The following RUNX1T1 variants were observed in gnomAD, a reference collection of about 807,000 sequenced individuals.
The protein encoded by RUNX1T1 is RUNX1 partner transcriptional co-repressor 1, also known as protein CBFA2T1.
Under a neutral mutation model 62.8 loss-of-function variants are expected in RUNX1T1, and 4 were observed. That is an observed-to-expected ratio of 0.06 (90% CI 0.03 to 0.15). The LOEUF (loss-of-function observed/expected upper bound fraction) is 0.15. RUNX1T1 is among the 10% of genes least tolerant of loss of function. The pLI, the probability that RUNX1T1 is intolerant of heterozygous loss-of-function variation, is 1.00. For missense variants in RUNX1T1, 508 were observed against 754.3 expected, an observed-to-expected ratio of 0.67 and a Z score of 3.82; for synonymous variants, 291 against 286.0, an observed-to-expected ratio of 1.02 and a Z score of -0.18.
chr8:92,009,384 T>G (rs1487210822), intron 4 of RUNX1T1, among the ~76,000 whole-genome samples: 1 of 152,156 alleles, frequency 6.6e-6, no homozygotes, highest in Non-Finnish European at 1.5e-5. Context: ...CACAACCATA[T>G]GGTTTTTGTC....
chr8:92,014,277 G>GCA (rs763547843), intron 3 of RUNX1T1, among the ~76,000 whole-genome samples: 1 of 136,874 alleles, frequency 7.3e-6, no homozygotes, highest in African/African-American at 3.1e-5. Context: ...AAATACACGT[G>GCA]CACATACACA....
At chr8:91,957,724 G>A (rs1809590833), downstream of RUNX1T1, 1 of 225,510 alleles carries the variant, frequency 4.4e-6, no homozygotes. Context: ...AGAAAGGACT[G>A]TCCAGTGTCA....
At chr8:91,960,125 T>G in exon 11 of RUNX1T1, 1 of 1,073,758 alleles carries the variant, frequency 9.3e-7, no homozygotes, top group South Asian at 1.6e-5. Flanking sequence ...AGTACTGAAA[T>G]AGGATAATTC....
intron 10 of RUNX1T1, among the ~76,000 whole-genome samples, chr8:91,965,146 C>T (rs907781323): frequency 6.6e-6 from 1 of 152,144 alleles, no homozygotes; most frequent in Non-Finnish European, 1.5e-5. Context: ...AATTAGAAGG[C>T]TGATGGTCCC....
At chr8:92,017,781 T>A in intron 1 of RUNX1T1, 1 of 301,996 alleles carries the variant, frequency 3.3e-6, no homozygotes, top group Middle Eastern at 1.2e-3. Context: ...GAGATACTGG[T>A]AGGAGCCAGC....
At chr8:91,995,724 C>A (rs1257906842) in intron 5 of RUNX1T1, among the ~76,000 whole-genome samples, 1 of 151,920 alleles carries the variant, frequency 6.6e-6, no homozygotes, top group Non-Finnish European at 1.5e-5. Context: ...GAGATTGAGG[C>A]TGCAGTGAGC....
intron 10 of RUNX1T1, among the ~76,000 whole-genome samples, chr8:91,970,043 T>TGTTGTGTG (rs11374252): frequency 2.8e-5 from 4 of 142,716 alleles, no homozygotes; most frequent in Admixed American, 7.0e-5. Context: ...TGTGTGTGTG[T>TGTTGTGTG]TGTGTGTGTG....
At chr8:92,022,833 A>C (rs1824381782) in intron 1 of RUNX1T1, among the ~76,000 whole-genome samples, 1 of 152,252 alleles carries the variant, frequency 6.6e-6, no homozygotes, top group African/African-American at 2.4e-5. Flanking sequence ...TCTCTGATCT[A>C]AAACCTTCAG....
rs1273135354 is a variant in RUNX1T1 at position 91,986,652 on chromosome 8, G to T, written c.996+235C>A. Reference sequence around the variant, plus strand: ...TTTCACAATAGAACAGTAGCCCACCGATCTGGCTTTGAGAATTCCTTTCCA... The same window carrying T: ...TTTCACAATAGAACAGTAGCCCACCTATCTGGCTTTGAGAATTCCTTTCCA... On this transcript the variant is annotated intron_variant, in intron 7 of 10. Transcript: ENST00000396218. Among the ~76,000 whole-genome samples, 2 of 152,070 alleles carry T rather than the reference G, an allele frequency of 1.3e-5. No homozygotes were observed. The highest frequency in any genetic ancestry group is 2.4e-5 in the African/African-American group (1 of 41,412).
chr8:91,959,458 G>C (rs370911983), exon 11 of RUNX1T1: 1 of 119,146 alleles, frequency 8.4e-6, no homozygotes. Context: ...GTGTGTGTGT[G>C]TGTGTGTGTA....
intron 1 of RUNX1T1, chr8:92,081,232 A>G (rs1835213802): frequency 2.1e-6 from 2 of 937,312 alleles, no homozygotes; most frequent in Non-Finnish European, 2.5e-6. Flanking sequence ...TAAAGCGCCT[A>G]CCTTAGTGCT....
intron 1 of RUNX1T1, among the ~76,000 whole-genome samples, chr8:92,038,418 A>C (rs1827819637): frequency 6.6e-6 from 1 of 152,184 alleles, no homozygotes; most frequent in South Asian, 2.1e-4. Flanking sequence ...GAAAAGAAAC[A>C]AGGAGATGTC....
exon 10 of RUNX1T1, chr8:91,970,796 G>C (rs201731257): frequency 1.2e-6 from 2 of 1,613,044 alleles, no homozygotes; most frequent in African/African-American, 1.3e-5. Context: ...CCTCAGACAC[G>C]GCCTTCTGCA....
At chr8:92,017,283 G>A (rs759112769) in exon 2 of RUNX1T1, 3 of 1,613,992 alleles carry the variant, frequency 1.9e-6, no homozygotes, top group Non-Finnish European at 1.7e-6. Context: ...GGGGGAGGTG[G>A]CATTGTTGGA....
intron 1 of RUNX1T1, among the ~76,000 whole-genome samples, chr8:92,026,090 T>C (rs1825089079): frequency 6.6e-6 from 1 of 152,248 alleles, no homozygotes; most frequent in Admixed American, 6.5e-5. Context: ...TTTTCTACAT[T>C]CTACAAGTTT....
At chr8:92,009,324 T>C (rs1319684882) in intron 4 of RUNX1T1, among the ~76,000 whole-genome samples, 2 of 152,220 alleles carry the variant, frequency 1.3e-5, no homozygotes, top group Non-Finnish European at 1.5e-5. Context: ...AAGACTTTAA[T>C]GCATATTGTT....
chr8:92,028,321 G>T (rs1211169023), intron 1 of RUNX1T1, among the ~76,000 whole-genome samples: 2 of 151,288 alleles, frequency 1.3e-5, no homozygotes, highest in Admixed American at 6.6e-5. Context: ...CTCATTTCAT[G>T]AAGTAAGGAA....
At chr8:91,980,047 T>C (rs111325472) in intron 8 of RUNX1T1, 71 of 255,242 alleles carry the variant, frequency 2.8e-4, no homozygotes, top group African/African-American at 1.2e-3. Context: ...TTAAGGATAA[T>C]ACATTCAGAA....
chr8:92,058,700 T>TATATA (rs368527421), intron 1 of RUNX1T1, among the ~76,000 whole-genome samples: 10 of 152,328 alleles, frequency 6.6e-5, no homozygotes, highest in African/African-American at 2.2e-4. Flanking sequence ...CTCTAAAATA[T>TATATA]ATATATCTGT....
Sources: allele counts gnomAD v4.1 joint callset (sites outside exome capture counted in the v4.1 genomes callset), GRCh38; gene constraint gnomAD v4.1.1; transcripts MANE v1.5; gene names NCBI Gene and HGNC (gene_info 2026-07-23, HGNC 2026-07-21).